HMG20B: variants seen among roughly 807,000 people sequenced by gnomAD.
HMG20B encodes high mobility group 20B, also known as SWI/SNF-related matrix-associated actin-dependent regulator of chromatin subfamily E member 1-related.
A neutral mutation model predicts 41.6 loss-of-function variants in HMG20B; 24 were observed. That is an observed-to-expected ratio of 0.58 (90% CI 0.42 to 0.81). The LOEUF is 0.81. Ranked by LOEUF, HMG20B falls within the 30% of genes least tolerant of loss-of-function variation. The pLI is 0.00. For missense variants in HMG20B, 461 were observed against 444.0 expected, an observed-to-expected ratio of 1.04 and a Z score of -0.34; for synonymous variants, 251 against 186.6, an observed-to-expected ratio of 1.34 and a Z score of -2.81.
chr19:3,574,043 C>G, intron 3 of HMG20B: 1 of 662,056 alleles, frequency 1.5e-6, no homozygotes, highest in Non-Finnish European at 2.7e-6. Context: ...ACTTCCACTC[C>G]TTGGGGGCGG....
Position 3,578,889 on chromosome 19 carries a change from G to A in HMG20B, c.*368G>A, listed in dbSNP as rs1231513142. ...CCCAAATTACTCACTACGGGGGGCT[G>A]TGCCATAGGCCACACAGGAAGCTGC... is the stretch of plus-strand genomic sequence containing the variant. On this transcript the variant is annotated 3_prime_UTR_variant, in exon 10 of 10. Transcript: ENST00000333651. 1.7e-5 allele frequency: 9 copies of A among 523,324 alleles called. No individual in the cohort carries two copies. The highest frequency in any genetic ancestry group is 1.1e-4 in the South Asian group (7 of 65,170). 32.4% of individuals were successfully genotyped at this position (523,324 alleles called of 1,614,324 possible).
chr19:3,578,185 T>G, intron 9 of HMG20B, 72 bp downstream of exon 9: 1 of 1,561,786 alleles, frequency 6.4e-7, no homozygotes, highest in Non-Finnish European at 8.7e-7. Flanking sequence ...GTTCCCCAGG[T>G]CCGCGAGGGC....
chr19:3,575,496 T>A (rs1270276864), intron 4 of HMG20B, 44 bp from the exon 5 acceptor site: 1 of 1,555,514 alleles, frequency 6.4e-7, no homozygotes, highest in African/African-American at 1.4e-5. Flanking sequence ...GATCCTGGCG[T>A]TGGAGGCTTC....
rs756766093 is a variant in HMG20B, at chr19:3,578,060, C to T, written c.888C>T (p.Ala296=). Residue 296 remains alanine, a synonymous_variant, in exon 9 of 10, where the codon GCC becomes GCT. Transcript: ENST00000333651. ...ACGGAGCCATCGAGCGCGACCCCGCCCAGCACGAGAAGCTCATCGTCCGCA... is the reference window on the plus strand; with the variant it reads ...ACGGAGCCATCGAGCGCGACCCCGCTCAGCACGAGAAGCTCATCGTCCGCA... ...RLHGAIERDP[A]QHEKLIVRIK... 2 of 1,611,258 alleles carry T rather than the reference C, an allele frequency of 1.2e-6. No individual in the cohort carries two copies. The highest frequency in any genetic ancestry group is 2.2e-5 in the East Asian group (1 of 44,838).
rs1447042033 is a variant in HMG20B, at chr19:3,574,515, G to C, written c.280G>C (p.Asp94His). The C allele has an allele frequency of 5.6e-6, 9 of 1,606,080 alleles. No individual in the cohort carries two copies. Among genetic ancestry groups the C allele is most frequent in the Non-Finnish European group, 7.6e-6 (9 of 1,177,412 alleles). ...RREQIRTRHPDLPFPEITKML... is the reference protein window; with the variant it reads ...RREQIRTRHPHLPFPEITKML... ...CGAGCAGATCCGCACGCGCCACCCG[G>C]ATCTGCCCTTTCCCGAGATCACCAA... Residue 94 changes from aspartate (D) to histidine (H), a missense_variant, in exon 4 of 10, where the codon GAT (aspartate) becomes CAT (histidine). This residue lies in a region of HMG20B where 49 missense variants were observed against 84.1 expected (regional missense o/e 0.58). Transcript: ENST00000333651.
chr19:3,578,821 A>T lies in HMG20B; in HGVS notation c.*300A>T, dbSNP rs2145260841. On this transcript the variant is annotated 3_prime_UTR_variant, in exon 10 of 10. Transcript: ENST00000333651. ...ACTGGCTCTCCGGGCCACCCCCAGG[A>T]CACAGGGCAGACGAAACCCACCCCC... is the stretch of plus-strand genomic sequence containing the variant. 1.4e-6 allele frequency: 1 copy of T among 691,948 alleles called. No individual in the cohort carries two copies. The highest frequency in any genetic ancestry group is 1.5e-5 in the South Asian group (1 of 68,706). 42.9% of individuals were successfully genotyped at this position (691,948 alleles called of 1,614,324 possible).
chr19:3,574,300 C>T (rs896019058), intron 3 of HMG20B, 83 bp from the exon 4 acceptor site: 1 of 474,752 alleles, frequency 2.1e-6, no homozygotes, highest in Admixed American at 3.0e-5. Context: ...CCCGCCCATA[C>T]GCGTTAGGCC....
At position 3,577,031 on chromosome 19, in the gene HMG20B, G is replaced by A. The variant is rs2032177601; in HGVS notation, c.732G>A (p.Arg244=). 1 of 1,550,422 alleles carries A rather than the reference G, an allele frequency of 6.4e-7. No individual in the cohort carries two copies. The highest frequency in any genetic ancestry group is 8.7e-7 in the Non-Finnish European group (1 of 1,148,184). ...AGGAGCTGGCGCTGGAGGAGCGGAGGACGCTGGCGCTGCAGCAGCAGCTCC... is the reference window on the plus strand; with the variant it reads ...AGGAGCTGGCGCTGGAGGAGCGGAGAACGCTGGCGCTGCAGCAGCAGCTCC... The part of the protein sequence containing the change: ...LEQELALEER[R]TLALQQQLQA... The change falls in exon 8 of 10, where the codon AGG becomes AGA. Residue 244 remains arginine, a synonymous_variant. Transcript: ENST00000333651.
chr19:3,577,174 C>G (rs2032184855), intron 8 of HMG20B, 67 bp downstream of exon 8: 1 of 1,139,074 alleles, frequency 8.8e-7, no homozygotes, highest in African/African-American at 1.7e-5. Context: ...CCCCCCCCTC[C>G]TCCCTTCCCC....
At chr19:3,573,666 G>A in intron 2 of HMG20B, 26 bp from the exon 3 acceptor site, 1 of 1,478,074 alleles carries the variant, frequency 6.8e-7, no homozygotes, top group Non-Finnish European at 8.9e-7. Flanking sequence ...TTGGGACGGG[G>A]CTGACCGCGG....
chr19:3,579,057 T>C lies in HMG20B; in HGVS notation c.*536T>C, dbSNP rs2032239924. 1 of 334,326 alleles carries C rather than the reference T, an allele frequency of 3.0e-6. No individual in the cohort carries two copies. The highest frequency in any genetic ancestry group is 5.9e-6 in the Non-Finnish European group (1 of 168,264). 20.7% of individuals were successfully genotyped at this position (334,326 alleles called of 1,614,324 possible). On this transcript the variant is annotated 3_prime_UTR_variant, in exon 10 of 10. Coordinates refer to ENST00000333651, the MANE Select transcript of HMG20B (RefSeq NM_006339.3). The surrounding 1 kb of genome is among the most constrained non-coding windows in gnomAD (Gnocchi z 7.4). Reference sequence around the variant, plus strand: ...CACTGCTGGATCCGGACTTTTTAAATAAAAACAAGTAAAATTTGTGTTTTA... The same window carrying C: ...CACTGCTGGATCCGGACTTTTTAAACAAAAACAAGTAAAATTTGTGTTTTA...
chr19:3,578,136 C>A (rs987212476), intron 9 of HMG20B, 23 bp downstream of exon 9: 25 of 1,604,330 alleles, frequency 1.6e-5, no homozygotes, highest in Non-Finnish European at 2.1e-5. Context: ...CGAGGCGGGG[C>A]GGGGCCGGGG....
At chr19:3,576,034 C>A (rs2032154503) in intron 5 of HMG20B, 1 of 591,992 alleles carries the variant, frequency 1.7e-6, no homozygotes, top group Admixed American at 3.0e-5. Context: ...CGACCTCAGC[C>A]CAGGCAGGGC....
chr19:3,578,076 A>G lies in HMG20B; in HGVS notation c.904A>G (p.Ile302Val), dbSNP rs1285339291. The stretch of plus-strand genomic sequence containing the variant: ...CGACCCCGCCCAGCACGAGAAGCTC[A>G]TCGTCCGCATCAAGGAAATCCTGGC... ...ERDPAQHEKL[I>V]VRIKEILAQV... is the part of the protein sequence containing the mutation. The change falls in exon 9 of 10, where the codon ATC becomes GTC. Residue 302 changes from isoleucine (I) to valine (V), a missense_variant. This residue lies in a region of HMG20B where 308 missense variants were observed against 283.4 expected (regional missense o/e 1.09). Coordinates refer to ENST00000333651, the MANE Select transcript of HMG20B (RefSeq NM_006339.3). The G allele has an allele frequency of 1.9e-6, 3 of 1,611,434 alleles. No individual in the cohort carries two copies. The highest frequency in any genetic ancestry group is 1.1e-5 in the South Asian group (1 of 91,076).
At chr19:3,577,299 C>T (rs903001306) in intron 8 of HMG20B, among the ~76,000 whole-genome samples, 192 bp downstream of exon 8, 2 of 147,254 alleles carry the variant, frequency 1.4e-5, no homozygotes, top group African/African-American at 2.5e-5. Context: ...CCGACCCCCG[C>T]ACCCCTACCC....
In HMG20B at chr19:3,578,792, C is replaced by G; in HGVS notation, c.*271C>G. The G allele has an allele frequency of 1.4e-6, 1 of 728,292 alleles. No individual in the cohort carries two copies. The highest frequency in any genetic ancestry group is 2.5e-6 in the Non-Finnish European group (1 of 398,654). The allele number at this position is 728,292 out of a possible 1,614,324, so 45.1% of individuals were successfully genotyped here. A position where few individuals can be genotyped will look rare whatever the true frequency, so the allele number is the denominator to read the frequency against. On this transcript the variant is annotated 3_prime_UTR_variant, in exon 10 of 10. Coordinates refer to ENST00000333651, the MANE Select transcript of HMG20B (RefSeq NM_006339.3). ...CCCCTCCTCGGAGGACAGCCACGCGCTACACTGGCTCTCCGGGCCACCCCC... is the reference window on the plus strand; with the variant it reads ...CCCCTCCTCGGAGGACAGCCACGCGGTACACTGGCTCTCCGGGCCACCCCC...
In HMG20B at chr19:3,578,035, A is replaced by G. The variant is rs776795231; in HGVS notation, c.863A>G (p.His288Arg). 1 of 1,609,742 alleles carries G rather than the reference A, an allele frequency of 6.2e-7. No homozygotes were observed. The highest frequency in any genetic ancestry group is 2.2e-5 in the East Asian group (1 of 44,758). Residue 288 changes from histidine (H) to arginine (R), a missense_variant, in exon 9 of 10, where the codon CAC becomes CGC. Physicochemically the swap from His to Arg is conservative, Grantham distance 29. Coordinates refer to ENST00000333651, the MANE Select transcript of HMG20B (RefSeq NM_006339.3). ...GTLDFYMARL[H>R]GAIERDPAQH... The stretch of plus-strand genomic sequence containing the variant: ...CTGGACTTCTACATGGCCCGGCTTC[A>G]CGGAGCCATCGAGCGCGACCCCGCC...
chr19:3,578,785 C>T lies in HMG20B; in HGVS notation c.*264C>T. The T allele has an allele frequency of 1.4e-6, 1 of 734,158 alleles. No homozygotes were observed. Among genetic ancestry groups the T allele is most frequent in the Non-Finnish European group, 2.5e-6 (1 of 402,762 alleles). 45.5% of individuals were successfully genotyped at this position (734,158 alleles called of 1,614,324 possible). A position where few individuals can be genotyped will look rare whatever the true frequency, so the allele number is the denominator to read the frequency against. On this transcript the variant is annotated 3_prime_UTR_variant, in exon 10 of 10. Coordinates refer to ENST00000333651, the MANE Select transcript of HMG20B (RefSeq NM_006339.3). The stretch of plus-strand genomic sequence containing the variant: ...GAGGGTGCCCCTCCTCGGAGGACAG[C>T]CACGCGCTACACTGGCTCTCCGGGC...
chr19:3,578,283 C>A, intron 9 of HMG20B, 170 bp downstream of exon 9: 1 of 1,136,050 alleles, frequency 8.8e-7, no homozygotes, highest in Non-Finnish European at 1.2e-6. Context: ...GCTAGGATGG[C>A]CATGGAGAAC....
Sources: allele counts gnomAD v4.1 joint callset (sites outside exome capture counted in the v4.1 genomes callset), GRCh38; gene constraint gnomAD v4.1.1; regional missense constraint gnomAD v4.1.1; non-coding constraint Gnocchi (gnomAD v3.1); transcripts MANE v1.5; gene names NCBI Gene and HGNC (gene_info 2026-07-23, HGNC 2026-07-21).